The following TXNL4A variants were observed in gnomAD, a reference collection of about 807,000 sequenced individuals.
TXNL4A encodes the protein thioredoxin like 4A.
TXNL4A carries 17 observed loss-of-function variants against 14.6 expected under a neutral mutation model. The observed-to-expected ratio is 1.16, with a 90% CI of 0.80 to 1.74. TXNL4A has a LOEUF of 1.74. Among genes scored for constraint, TXNL4A ranks in the 40% most tolerant of loss-of-function variants. The pLI is 0.00. For synonymous variants in TXNL4A, 83 were observed against 70.6 expected, an observed-to-expected ratio of 1.18 and a Z score of -0.88; for missense variants, 74 against 195.2, an observed-to-expected ratio of 0.38 and a Z score of 3.70.
intron 1 of TXNL4A, among the ~76,000 whole-genome samples, chr18:80,033,293 CCA>C (rs34008719): frequency 0.71 from 107,569 of 150,876 alleles, 40,224 homozygotes; most frequent in East Asian, 0.92. Context: ...CCACACGCGC[CCA>C]CACACACACA....
At chr18:80,023,116 C>CT (rs546171941) in intron 1 of TXNL4A, among the ~76,000 whole-genome samples, 12 of 152,160 alleles carry the variant, frequency 7.9e-5, no homozygotes, top group South Asian at 4.2e-4. Context: ...ACACAAAATT[C>CT]TTTTTTTTCT....
intron 1 of TXNL4A, among the ~76,000 whole-genome samples, chr18:79,983,254 G>T (rs2051491812): frequency 6.6e-6 from 1 of 152,220 alleles, no homozygotes; most frequent in Non-Finnish European, 1.5e-5. Context: ...GCCTGCCTCG[G>T]CTTCCCAAAC....
rs2051332877 is a variant in TXNL4A, at chr18:79,973,591, G to A, written c.*94C>T. ...CCATCTCAGAGGTGCTCCAGCCCTG[G>A]AGCTTCCTGTATTTTCCAAAGGCTT... On this transcript the variant is annotated 3_prime_UTR_variant, in exon 3 of 3. Coordinates refer to ENST00000269601, the MANE Select transcript of TXNL4A (RefSeq NM_006701.5). 3 of 1,483,784 alleles carry A rather than the reference G, an allele frequency of 2.0e-6. No homozygotes were observed. Among genetic ancestry groups the A allele is most frequent in the Non-Finnish European group, 2.7e-6 (3 of 1,110,746 alleles). 91.9% of individuals were successfully genotyped at this position (1,483,784 alleles called of 1,614,324 possible).
chr18:79,982,280 T>C lies in TXNL4A; in HGVS notation c.154-4579A>G, dbSNP rs1334908120. On this transcript the variant is annotated intron_variant, in intron 1 of 2. Coordinates refer to ENST00000269601, the MANE Select transcript of TXNL4A (RefSeq NM_006701.5). The surrounding 1 kb of genome is among the most constrained non-coding windows in gnomAD (Gnocchi z 4.0). Reference sequence around the variant, plus strand: ...CTGGCCCACAGAGGACCTTTTCCACTTGGGATTCTGGGCCATGTATTTATT... The same window carrying C: ...CTGGCCCACAGAGGACCTTTTCCACCTGGGATTCTGGGCCATGTATTTATT... Among the ~76,000 whole-genome samples, 1 of 152,170 alleles carries C rather than the reference T, an allele frequency of 6.6e-6. No homozygotes were observed. The highest frequency in any genetic ancestry group is 2.4e-5 in the African/African-American group (1 of 41,436).
chr18:79,979,752 A>T (rs1409111712), intron 1 of TXNL4A: 1 of 152,226 alleles, frequency 6.6e-6, no homozygotes, highest in Non-Finnish European at 1.5e-5. Context: ...CTGATTGTTC[A>T]TTAATATTAT....
intron 1 of TXNL4A, among the ~76,000 whole-genome samples, chr18:79,996,162 T>C (rs2051661220): frequency 7.1e-6 from 1 of 141,720 alleles, no homozygotes. Flanking sequence ...TGCATTAGGC[T>C]GAAATGAAAG....
At chr18:80,000,207 C>A (rs1053352529) in intron 1 of TXNL4A, among the ~76,000 whole-genome samples, 1 of 152,138 alleles carries the variant, frequency 6.6e-6, no homozygotes, top group Non-Finnish European at 1.5e-5. Flanking sequence ...CAGAAGAAGA[C>A]AGGAACATGT....
chr18:79,995,074 G>C (rs771699005), intron 1 of TXNL4A: 2 of 152,226 alleles, frequency 1.3e-5, no homozygotes, highest in African/African-American at 4.8e-5. Flanking sequence ...CCCTGTGATT[G>C]TCTGTCAACC....
intron 1 of TXNL4A, among the ~76,000 whole-genome samples, chr18:79,996,797 G>C (rs1178286161): frequency 1.3e-5 from 2 of 152,166 alleles, no homozygotes; most frequent in African/African-American, 4.8e-5. Flanking sequence ...ACAAAAATTA[G>C]CCAGGCGTGG....
intron 1 of TXNL4A, among the ~76,000 whole-genome samples, chr18:80,004,502 T>G (rs914812332): frequency 6.6e-6 from 1 of 152,192 alleles, no homozygotes; most frequent in Non-Finnish European, 1.5e-5. Flanking sequence ...GATATGTTCC[T>G]GAGAATTCCC....
intron 1 of TXNL4A, among the ~76,000 whole-genome samples, chr18:80,030,230 G>C (rs2051912276): frequency 6.6e-6 from 1 of 152,174 alleles, no homozygotes; most frequent in African/African-American, 2.4e-5. Context: ...CACAGGACCA[G>C]GCCTGTACAC....
intron 1 of TXNL4A, among the ~76,000 whole-genome samples, chr18:80,033,691 T>C (rs1333336848): frequency 6.6e-6 from 1 of 152,166 alleles, no homozygotes; most frequent in African/African-American, 2.4e-5. Flanking sequence ...TGTTCCTAGC[T>C]ACGCAGCGCC....
chr18:79,990,753 G>A (rs1212614738), upstream of TXNL4A, among the ~76,000 whole-genome samples: 1 of 152,172 alleles, frequency 6.6e-6, no homozygotes, highest in Non-Finnish European at 1.5e-5. Context: ...AGGACATTAA[G>A]TACATTCATA....
intron 1 of TXNL4A, among the ~76,000 whole-genome samples, chr18:80,024,729 C>T (rs192726848): frequency 1.8e-4 from 28 of 152,226 alleles, no homozygotes; most frequent in Middle Eastern, 6.8e-3. Context: ...TCATCTCAGC[C>T]GGCAGGTGCA....
rs551395944 is a variant in TXNL4A at position 79,974,720 on chromosome 18, C to G, written c.258-864G>C. Among the ~76,000 whole-genome samples, 3 of 152,220 alleles carry G rather than the reference C, an allele frequency of 2.0e-5. No individual in the cohort carries two copies. The East Asian group carries it at 5.8e-4, about 29-fold the overall frequency. On this transcript the variant is annotated intron_variant, in intron 2 of 2. Transcript: ENST00000269601. ...TCTCAAACTCATGGCCTCAAGTGAT[C>G]CTCCCACCTCGGCCTCCCAAAGTGC...
intron 1 of TXNL4A, among the ~76,000 whole-genome samples, chr18:80,005,686 G>A (rs970678390): frequency 3.9e-5 from 6 of 152,030 alleles, no homozygotes; most frequent in Non-Finnish European, 7.4e-5. Flanking sequence ...AGGCTGAGGC[G>A]GGCAGATCAC....
chr18:80,026,652 GT>G (rs1424366353), intron 1 of TXNL4A, among the ~76,000 whole-genome samples: 2 of 152,078 alleles, frequency 1.3e-5, no homozygotes, highest in African/African-American at 4.8e-5. Context: ...ACAATCTTAC[GT>G]TTTAAGTACA....
intron 1 of TXNL4A, among the ~76,000 whole-genome samples, chr18:80,004,168 T>C (rs1158639515): frequency 6.6e-6 from 1 of 150,454 alleles, no homozygotes; most frequent in African/African-American, 2.4e-5. Context: ...GCAGGAAAGT[T>C]AAGGGATTCC....
chr18:80,025,161 A>G (rs2051876147), intron 1 of TXNL4A, among the ~76,000 whole-genome samples: 1 of 152,216 alleles, frequency 6.6e-6, no homozygotes, highest in Non-Finnish European at 1.5e-5. Flanking sequence ...CACAACAAAT[A>G]AGCAACCAGA....
Sources: allele counts gnomAD v4.1 joint callset (sites outside exome capture counted in the v4.1 genomes callset), GRCh38; gene constraint gnomAD v4.1.1; non-coding constraint Gnocchi (gnomAD v3.1); transcripts MANE v1.5; gene names NCBI Gene and HGNC (gene_info 2026-07-23, HGNC 2026-07-21).